Variants in DTL observed in about 807,000 individuals in gnomAD.
DTL encodes the protein denticleless E3 ubiquitin protein ligase adapter.
In DTL, 46 loss-of-function variants were observed where a neutral mutation model predicts 87.0. That is an observed-to-expected ratio of 0.53 (90% confidence interval 0.42 to 0.68). The LOEUF (loss-of-function observed/expected upper bound fraction) is 0.68. DTL is among the 30% of genes least tolerant of loss of function. DTL has a pLI of 0.00. For synonymous variants in DTL, 308 were observed against 311.2 expected, an observed-to-expected ratio of 0.99 and a Z score of 0.11; for missense variants, 737 against 869.4, an observed-to-expected ratio of 0.85 and a Z score of 1.91.
chr1:212,057,659 C>G (rs1221104618), intron 5 of DTL, among the ~76,000 whole-genome samples: 1 of 151,760 alleles, frequency 6.6e-6, no homozygotes, highest in Non-Finnish European at 1.5e-5. Flanking sequence ...ATAAAAAGTA[C>G]CAGAGAAAGG....
intron 6 of DTL, 119 bp downstream of exon 6, chr1:212,063,068 T>C: frequency 1.4e-6 from 1 of 737,830 alleles, no homozygotes; most frequent in South Asian, 1.6e-5. Context: ...TAATTTCCCA[T>C]TTCTGCTCAC....
At chr1:212,066,194 T>C (rs1230915495) in intron 7 of DTL, among the ~76,000 whole-genome samples, 1 of 152,048 alleles carries the variant, frequency 6.6e-6, no homozygotes, top group Non-Finnish European at 1.5e-5. Context: ...AGTTAATATT[T>C]TGGGGGAAGT....
intron 13 of DTL, among the ~76,000 whole-genome samples, chr1:212,094,234 G>C (rs1655376530): frequency 6.6e-6 from 1 of 152,122 alleles, no homozygotes; most frequent in Non-Finnish European, 1.5e-5. Flanking sequence ...ATGGTTTCAG[G>C]TCTTAGATGT....
chr1:212,041,194 T>C (rs1430598013), intron 1 of DTL, among the ~76,000 whole-genome samples: 1 of 152,132 alleles, frequency 6.6e-6, no homozygotes, highest in Admixed American at 6.5e-5. Context: ...ATTGCAGGGA[T>C]TGCATAAGTA....
Position 212,063,065 on chromosome 1 carries a change from C to G in DTL, c.526+116C>G, listed in dbSNP as rs953400872. On this transcript the variant is annotated intron_variant, in intron 6 of 14. Transcript: ENST00000366991. ...CCAGGGGGCATGTACTCATAATTTC[C>G]CATTTCTGCTCACTGTTCCAGATCT... 3.2e-4 allele frequency: 243 copies of G among 752,246 alleles called. 2 individuals are homozygous for G. Among genetic ancestry groups the G allele is most frequent in the Middle Eastern group, 7.1e-4 (3 of 4,214 alleles). 46.6% of individuals were successfully genotyped at this position (752,246 alleles called of 1,614,324 possible). A position where few individuals can be genotyped will look rare whatever the true frequency, so the allele number is the denominator to read the frequency against.
chr1:212,069,647 G>C (rs2200944), intron 10 of DTL, among the ~76,000 whole-genome samples: 4,147 of 151,954 alleles, frequency 0.027, 147 homozygotes, highest in East Asian at 0.12. Context: ...CTGGGTTCAA[G>C]CAATTCTCCT....
At chr1:212,071,946 A>G (rs1295521675) in intron 10 of DTL, 155 bp from the exon 11 acceptor site, 1 of 537,032 alleles carries the variant, frequency 1.9e-6, no homozygotes, top group Non-Finnish European at 3.3e-6. Context: ...TTTTCTGCCA[A>G]TGTCTAGTTC....
At chr1:212,041,408 CGT>C (rs1339142488) in intron 1 of DTL, among the ~76,000 whole-genome samples, 1 of 148,560 alleles carries the variant, frequency 6.7e-6, no homozygotes, top group Non-Finnish European at 1.5e-5. Context: ...AATTCCAAAA[CGT>C]GTATATTTAC....
chr1:212,067,939 C>G (rs546980589), intron 8 of DTL, among the ~76,000 whole-genome samples: 161 of 152,242 alleles, frequency 1.1e-3, no homozygotes, highest in Admixed American at 2.2e-3. Flanking sequence ...GGAACAATTA[C>G]TATCGGCACT....
At chr1:212,073,105 A>G (rs1654725378) in intron 11 of DTL, among the ~76,000 whole-genome samples, 1 of 152,174 alleles carries the variant, frequency 6.6e-6, no homozygotes, top group Non-Finnish European at 1.5e-5. Flanking sequence ...AGTAGTTCTA[A>G]AGTGTCTACT....
At chr1:212,068,372 T>TAAA (rs35528691) in intron 9 of DTL, 45 bp downstream of exon 9, 1,435 of 952,190 alleles carry the variant, frequency 1.5e-3, no homozygotes, top group South Asian at 2.8e-3. Flanking sequence ...AGTTTTTGTT[T>TAAA]AAAAAAAAAA....
At chr1:212,082,235 T>A (rs937634369) in intron 13 of DTL, among the ~76,000 whole-genome samples, 9 of 152,100 alleles carry the variant, frequency 5.9e-5, no homozygotes, top group Admixed American at 1.3e-4. Flanking sequence ...ATCATAGGGG[T>A]TATTTGGTGA....
intron 13 of DTL, among the ~76,000 whole-genome samples, chr1:212,094,788 T>G (rs1399487360): frequency 6.6e-6 from 1 of 152,204 alleles, no homozygotes; most frequent in Non-Finnish European, 1.5e-5. Context: ...TAGCAGTGTT[T>G]TGTAGTTTTC....
chr1:212,049,892 T>C (rs76368196), intron 5 of DTL, among the ~76,000 whole-genome samples: 18 of 150,804 alleles, frequency 1.2e-4, no homozygotes, highest in Admixed American at 7.9e-4. Context: ...TTTTTTTTTT[T>C]AATCTGAGCT....
rs770464089 is a variant in DTL, at chr1:212,100,548, T to G, written c.1558T>G (p.Ser520Ala). 3.1e-6 allele frequency: 5 copies of G among 1,613,960 alleles called. No individual in the cohort carries two copies. The highest frequency in any genetic ancestry group is 4.2e-6 in the Non-Finnish European group (5 of 1,179,992). The change falls in exon 14 of 15, where the codon TCG becomes GCG. Residue 520 changes from serine to alanine, a missense_variant. Coordinates refer to ENST00000366991, the MANE Select transcript of DTL (RefSeq NM_016448.4). ...SSSPPITPPASETKIMSPRKA... is the reference protein window; with the variant it reads ...SSSPPITPPAAETKIMSPRKA... ...ATCACCACCCATCACTCCACCTGCTTCGGAGACCAAGATCATGTCTCCGAG... is the reference window on the plus strand; with the variant it reads ...ATCACCACCCATCACTCCACCTGCTGCGGAGACCAAGATCATGTCTCCGAG...
intron 12 of DTL, among the ~76,000 whole-genome samples, chr1:212,078,664 C>T (rs145435474): frequency 2.4e-4 from 37 of 152,230 alleles, no homozygotes; most frequent in African/African-American, 8.4e-4. Flanking sequence ...TGGGTTTTCA[C>T]ATATGGCTAA....
rs544819909 is a variant in DTL at position 212,081,277 on chromosome 1, A to C, written c.1261+527A>C. Among the ~76,000 whole-genome samples, 3 of 152,326 alleles carry C rather than the reference A, an allele frequency of 2.0e-5. No individual in the cohort carries two copies. In the East Asian group the frequency reaches 5.8e-4, roughly 29 times the overall value. On this transcript the variant is annotated intron_variant, in intron 13 of 14. Coordinates refer to ENST00000366991, the MANE Select transcript of DTL (RefSeq NM_016448.4). ...AAGTAGTAAGCCATATAGATATTTT[A>C]AAGAAGAATATTCCAGGCAGATAAA...
intron 5 of DTL, among the ~76,000 whole-genome samples, chr1:212,051,346 A>C (rs1227892794): frequency 1.4e-5 from 2 of 147,442 alleles, no homozygotes; most frequent in Non-Finnish European, 3.0e-5. Flanking sequence ...TTATAGTGTG[A>C]GTCTGATGGT....
intron 13 of DTL, among the ~76,000 whole-genome samples, chr1:212,092,367 C>T (rs1655309610): frequency 6.6e-6 from 1 of 152,116 alleles, no homozygotes; most frequent in Non-Finnish European, 1.5e-5. Flanking sequence ...AAACCCCCCT[C>T]TACTAAAAAT....
Sources: gnomAD v4.1 joint callset for allele counts (sites outside exome capture counted in the v4.1 genomes callset) on GRCh38, gnomAD v4.1.1 for gene constraint, MANE v1.5 for transcripts, NCBI Gene and HGNC (gene_info 2026-07-23, HGNC 2026-07-21) for gene names.